Variants in FNIP2 observed in about 807,000 individuals in gnomAD.
The protein encoded by FNIP2 is folliculin-interacting protein 2.
In FNIP2, 32 loss-of-function variants were observed where a neutral mutation model predicts 108.7. That is an observed-to-expected ratio of 0.29 (90% CI 0.22 to 0.40). FNIP2 has a LOEUF of 0.40. Ranked by LOEUF, FNIP2 falls within the 10% of genes least tolerant of loss-of-function variation. The probability of loss-of-function intolerance (pLI) is 1.00; values close to 1 mark genes in which losing one functional copy is unlikely to be tolerated. For missense variants in FNIP2, 1,202 were observed against 1,381.6 expected (o/e 0.87, Z 2.06); for synonymous variants, 480 against 496.7 (o/e 0.97, Z 0.45).
At chr4:158,789,881 GGGA>G (rs1776353668) in intron 1 of FNIP2, among the ~76,000 whole-genome samples, 1 of 151,976 alleles carries the variant, frequency 6.6e-6, no homozygotes, top group South Asian at 2.1e-4. Flanking sequence ...AAGGGAAAAG[GGGA>G]GGAGGGGTTT....
At chr4:158,776,847 A>G (rs1487334933) in intron 1 of FNIP2, among the ~76,000 whole-genome samples, 1 of 152,240 alleles carries the variant, frequency 6.6e-6, no homozygotes, top group African/African-American at 2.4e-5. Context: ...AAGAGTCTCT[A>G]GTATTCCAGA....
Position 158,771,575 on chromosome 4 carries a change from G to C in FNIP2, c.107+2256G>C, listed in dbSNP as rs1446203684. Among the ~76,000 whole-genome samples, 3 of 152,226 alleles carry C rather than the reference G, an allele frequency of 2.0e-5. No homozygotes were observed. The East Asian group carries it at 5.8e-4, about 29-fold the overall frequency. ...TACCTTGTAGTTAAATAGAGTTTTA[G>C]AAGTGAAGCTAAAACCCTTAGATTA... On this transcript the variant is annotated intron_variant, in intron 1 of 16. Transcript: ENST00000264433.
chr4:158,806,864 G>A (rs1305599904), intron 1 of FNIP2, among the ~76,000 whole-genome samples: 4 of 152,216 alleles, frequency 2.6e-5, no homozygotes, highest in African/African-American at 9.7e-5. Context: ...CCAGTTGGAA[G>A]CAGGGTGGTC....
chr4:158,820,258 A>AG (rs1461047269), intron 1 of FNIP2, among the ~76,000 whole-genome samples: 2 of 152,206 alleles, frequency 1.3e-5, no homozygotes, highest in African/African-American at 4.8e-5. Context: ...TGAGACCAGG[A>AG]GGAAAAACAG....
chr4:158,784,059 A>G (rs1022267954), intron 1 of FNIP2, among the ~76,000 whole-genome samples: 4 of 152,216 alleles, frequency 2.6e-5, no homozygotes, highest in Non-Finnish European at 4.4e-5. Flanking sequence ...TGGGTAGCAT[A>G]ATTAGTGGAA....
Position 158,868,053 on chromosome 4 carries a change from C to T in FNIP2, c.1466-49C>T, listed in dbSNP as rs2126700297. 1 of 1,592,878 alleles carries T rather than the reference C, an allele frequency of 6.3e-7. No individual in the cohort carries two copies. The highest frequency in any genetic ancestry group is 8.6e-7 in the Non-Finnish European group (1 of 1,168,798). Reference sequence around the variant, plus strand: ...CTTGTAAAGACGGATATATCTGTGACATGCTAACCCCAGAGACCACTGCCT... The same window carrying T: ...CTTGTAAAGACGGATATATCTGTGATATGCTAACCCCAGAGACCACTGCCT... On this transcript the variant is annotated intron_variant, in intron 12 of 16. Transcript: ENST00000264433. The surrounding 1 kb of genome is among the most constrained non-coding windows in gnomAD (Gnocchi z 4.6).
At chr4:158,820,200 A>G (rs889520558) in intron 1 of FNIP2, among the ~76,000 whole-genome samples, 7 of 151,648 alleles carry the variant, frequency 4.6e-5, no homozygotes, top group African/African-American at 1.7e-4. Context: ...TGTTCTTTAA[A>G]CTCTTTATGT....
At chr4:158,841,312 G>C (rs1416007060) in intron 7 of FNIP2, among the ~76,000 whole-genome samples, 1 of 152,152 alleles carries the variant, frequency 6.6e-6, no homozygotes, top group African/African-American at 2.4e-5. Context: ...AAAGGAGTGA[G>C]CACCTGGGCT....
At chr4:158,851,231 T>G (rs1779682213) in intron 7 of FNIP2, 90 bp from the exon 8 acceptor site, 3 of 1,412,780 alleles carry the variant, frequency 2.1e-6, no homozygotes, top group Non-Finnish European at 3.0e-6. Flanking sequence ...TAGAGTTCAG[T>G]GATATTAAAT....
chr4:158,779,401 G>C (rs1490499381), intron 1 of FNIP2, among the ~76,000 whole-genome samples: 1 of 152,090 alleles, frequency 6.6e-6, no homozygotes, highest in East Asian at 1.9e-4. Context: ...AATATAAAAT[G>C]TTTATGTTAA....
chr4:158,793,923 G>C (rs1484361973), intron 1 of FNIP2, among the ~76,000 whole-genome samples: 1 of 152,130 alleles, frequency 6.6e-6, no homozygotes, highest in Non-Finnish European at 1.5e-5. Context: ...GAGTTGTCTA[G>C]AACTACGCTG....
In FNIP2 at chr4:158,883,328, G is replaced by A. The variant is rs923106882; in HGVS notation, c.2950-8118G>A. Among the ~76,000 whole-genome samples the A allele has an allele frequency of 3.9e-5, 6 of 152,128 alleles. No individual in the cohort carries two copies. In the South Asian group the frequency reaches 1.2e-3, roughly 32 times the overall value. Reference sequence around the variant, plus strand: ...GCAGTCTCGGCTCACTGCAAGCTCCGCCTCCTGGGTTCACGCCATTCTCCT... The same window carrying A: ...GCAGTCTCGGCTCACTGCAAGCTCCACCTCCTGGGTTCACGCCATTCTCCT... On this transcript the variant is annotated intron_variant, in intron 14 of 16. Coordinates refer to ENST00000264433, the MANE Select transcript of FNIP2 (RefSeq NM_020840.3).
At chr4:158,834,832 A>G (rs1778711028) in intron 6 of FNIP2, 1 of 152,666 alleles carries the variant, frequency 6.6e-6, no homozygotes. Context: ...ACTCTACAAT[A>G]ATACTGTGTA....
rs1775602018 is a variant in FNIP2, at chr4:158,769,120, C to G, written c.-93C>G. 2.4e-6 allele frequency: 1 copy of G among 415,510 alleles called. No individual in the cohort carries two copies. 25.7% of individuals were successfully genotyped at this position (415,510 alleles called of 1,614,324 possible). A position where few individuals can be genotyped will look rare whatever the true frequency, so the allele number is the denominator to read the frequency against. On this transcript the variant is annotated 5_prime_UTR_variant, in exon 1 of 17. Transcript: ENST00000264433. ...CCGCAAGGCTGGGCGGCCGCGCCGCCGCGATGGCCCCGCCACCGCGGCCGC... is the reference window on the plus strand; with the variant it reads ...CCGCAAGGCTGGGCGGCCGCGCCGCGGCGATGGCCCCGCCACCGCGGCCGC...
chr4:158,803,529 C>T lies in FNIP2; in HGVS notation c.108-22387C>T, dbSNP rs140673419. Among the ~76,000 whole-genome samples, 126 of 152,254 alleles carry T rather than the reference C, an allele frequency of 8.3e-4. No homozygotes were observed. In the East Asian group the frequency reaches 0.023, roughly 28 times the overall value. Reference sequence around the variant, plus strand: ...TGTGATGATACAATTATGCTTTTTCCACTTACTGAAGAAATTTTAGAGCTC... The same window carrying T: ...TGTGATGATACAATTATGCTTTTTCTACTTACTGAAGAAATTTTAGAGCTC... On this transcript the variant is annotated intron_variant, in intron 1 of 16. Transcript: ENST00000264433.
intron 1 of FNIP2, among the ~76,000 whole-genome samples, chr4:158,789,430 G>T (rs891448866): frequency 6.6e-6 from 1 of 152,132 alleles, no homozygotes; most frequent in Non-Finnish European, 1.5e-5. Flanking sequence ...TAGAATAATG[G>T]CTGTAAGTTA....
chr4:158,781,414 T>A (rs985816890), intron 1 of FNIP2, among the ~76,000 whole-genome samples: 8 of 152,244 alleles, frequency 5.3e-5, no homozygotes, highest in Admixed American at 1.3e-4. Flanking sequence ...TTATTAATTT[T>A]AAATTTTAAA....
intron 7 of FNIP2, among the ~76,000 whole-genome samples, chr4:158,848,811 T>C (rs946573302): frequency 2.6e-5 from 4 of 152,042 alleles, no homozygotes; most frequent in Non-Finnish European, 4.4e-5. Flanking sequence ...AATTCTGGAG[T>C]TGAAAAATGC....
intron 16 of FNIP2, among the ~76,000 whole-genome samples, chr4:158,902,179 C>T (rs537453737): frequency 9.2e-5 from 14 of 152,120 alleles, no homozygotes; most frequent in Admixed American, 2.6e-4. Context: ...TCTGAGTGGA[C>T]GTCCTTTTTG....
Sources: allele counts gnomAD v4.1 joint callset (sites outside exome capture counted in the v4.1 genomes callset), GRCh38; gene constraint gnomAD v4.1.1; non-coding constraint Gnocchi (gnomAD v3.1); transcripts MANE v1.5; gene names NCBI Gene and HGNC (gene_info 2026-07-23, HGNC 2026-07-21).